Variants in IQGAP2 observed in about 807,000 individuals in gnomAD.
The protein encoded by IQGAP2 is IQ motif containing GTPase activating protein 2.
A neutral mutation model predicts 201.3 loss-of-function variants in IQGAP2; 173 were observed. The ratio of observed to expected loss-of-function variants is 0.86; its 90% CI spans 0.76 to 0.98. IQGAP2 has a LOEUF of 0.98. Ranked by LOEUF, IQGAP2 falls within the 50% of genes least tolerant of loss-of-function variation. The probability of loss-of-function intolerance (pLI) is 0.00; values close to 1 mark genes in which losing one functional copy is unlikely to be tolerated. For synonymous variants in IQGAP2, 675 were observed against 673.9 expected, an observed-to-expected ratio of 1.00 and a Z score of -0.03; for missense variants, 1,687 against 1,864.8, an observed-to-expected ratio of 0.90 and a Z score of 1.76.
At chr5:76,559,004 C>T (rs1264103509) in intron 2 of IQGAP2, among the ~76,000 whole-genome samples, 1 of 152,132 alleles carries the variant, frequency 6.6e-6, no homozygotes, top group Non-Finnish European at 1.5e-5. Context: ...GGGTTCACAC[C>T]ATTCTCCTGC....
At chr5:76,598,918 G>A (rs1747227185) in intron 10 of IQGAP2, among the ~76,000 whole-genome samples, 1 of 152,064 alleles carries the variant, frequency 6.6e-6, no homozygotes, top group Non-Finnish European at 1.5e-5. Context: ...TATTAAGTGG[G>A]AAAAATAAGA....
intron 2 of IQGAP2, among the ~76,000 whole-genome samples, chr5:76,493,150 G>A (rs1001571723): frequency 6.6e-6 from 1 of 151,960 alleles, no homozygotes; most frequent in Non-Finnish European, 1.5e-5. Flanking sequence ...TCTCAACATG[G>A]CAGCCAGGGT....
In IQGAP2 at chr5:76,422,855, C is replaced by T. The variant is rs181046248; in HGVS notation, c.46+19264C>T. Among the ~76,000 whole-genome samples, 8 of 152,322 alleles carry T rather than the reference C, an allele frequency of 5.3e-5. No individual in the cohort carries two copies. The East Asian group carries it at 9.6e-4, about 18-fold the overall frequency. ...TCTATATGCCAGGTGCTGTTTTAAG[C>T]ACTTTGTAGGAATCGCCCAATTTAA... On this transcript the variant is annotated intron_variant, in intron 1 of 35. Transcript: ENST00000274364.
chr5:76,657,521 G>A (rs1478014927), intron 20 of IQGAP2, among the ~76,000 whole-genome samples: 1 of 152,142 alleles, frequency 6.6e-6, no homozygotes, highest in Non-Finnish European at 1.5e-5. Flanking sequence ...GAACTAAGGT[G>A]GAAGTAAAAG....
At chr5:76,627,316 G>A (rs2455221) in intron 13 of IQGAP2, 94 bp from the exon 14 acceptor site, 483,348 of 866,994 alleles carry the variant, frequency 0.56, 135,937 homozygotes, top group Middle Eastern at 0.61. Context: ...GAATTTGTGG[G>A]AATTATGATT....
intron 1 of IQGAP2, among the ~76,000 whole-genome samples, chr5:76,460,721 A>G (rs1024296589): frequency 6.6e-6 from 1 of 152,066 alleles, no homozygotes; most frequent in African/African-American, 2.4e-5. Flanking sequence ...ATCTTTGTTG[A>G]CACCCGTTGG....
intron 32 of IQGAP2, among the ~76,000 whole-genome samples, chr5:76,697,444 G>A (rs999078467): frequency 6.6e-6 from 1 of 152,174 alleles, no homozygotes; most frequent in African/African-American, 2.4e-5. Context: ...AGGAGTTCAA[G>A]ACCAGCCTGA....
At chr5:76,419,271 T>G (rs1488668687) in intron 1 of IQGAP2, among the ~76,000 whole-genome samples, 2 of 152,118 alleles carry the variant, frequency 1.3e-5, no homozygotes, top group African/African-American at 4.8e-5. Flanking sequence ...ACTACAGGCA[T>G]GCACACCACA....
In IQGAP2 at chr5:76,643,695, A is replaced by G. The variant is rs114647215; in HGVS notation, c.2094+2592A>G. ...CTAGTATACTACTTTTTAGGAAAGG[A>G]CATAATAGTGGCAAACACCAAAACT... On this transcript the variant is annotated intron_variant, in intron 17 of 35. Coordinates refer to ENST00000274364, the MANE Select transcript of IQGAP2 (RefSeq NM_006633.5). Among the ~76,000 whole-genome samples the G allele has an allele frequency of 2.9e-3, 435 of 152,290 alleles. 1 individual carries two copies. The highest frequency in any genetic ancestry group is 0.01 in the African/African-American group (416 of 41,560).
At chr5:76,463,791 TGTA>T (rs1754621705) in intron 2 of IQGAP2, among the ~76,000 whole-genome samples, 1 of 152,134 alleles carries the variant, frequency 6.6e-6, no homozygotes, top group African/African-American at 2.4e-5. Context: ...GTATATTAGA[TGTA>T]GTATATATTT....
chr5:76,546,246 G>C (rs1353227521), intron 2 of IQGAP2, among the ~76,000 whole-genome samples: 2 of 152,138 alleles, frequency 1.3e-5, no homozygotes, highest in East Asian at 3.9e-4. Context: ...AACCAGCCTA[G>C]CCAACGTGGT....
At chr5:76,549,083 C>T (rs1743273463) in intron 2 of IQGAP2, among the ~76,000 whole-genome samples, 2 of 152,040 alleles carry the variant, frequency 1.3e-5, no homozygotes, top group South Asian at 2.1e-4. Flanking sequence ...ATCATATTGG[C>T]GGGGCATGGT....
chr5:76,562,065 C>G (rs1026530403), intron 2 of IQGAP2, among the ~76,000 whole-genome samples: 6 of 152,316 alleles, frequency 3.9e-5, no homozygotes, highest in Non-Finnish European at 1.5e-5. Flanking sequence ...TCTTTAATGT[C>G]AGCAGGACTA....
chr5:76,610,416 G>C (rs1373694879), intron 12 of IQGAP2, among the ~76,000 whole-genome samples: 1 of 151,576 alleles, frequency 6.6e-6, no homozygotes, highest in Non-Finnish European at 1.5e-5. Flanking sequence ...TGGCTGTAAT[G>C]AAAAAGACAA....
At chr5:76,558,876 G>A (rs1385697628) in intron 2 of IQGAP2, among the ~76,000 whole-genome samples, 1 of 152,084 alleles carries the variant, frequency 6.6e-6, no homozygotes, top group African/African-American at 2.4e-5. Flanking sequence ...GCCTCTCCCT[G>A]GCTGGTAATC....
At chr5:76,613,576 G>T (rs894982051) in intron 13 of IQGAP2, among the ~76,000 whole-genome samples, 1 of 152,156 alleles carries the variant, frequency 6.6e-6, no homozygotes. Context: ...ACGTGTTTGT[G>T]TAGCTATAGC....
At chr5:76,636,791 A>G (rs1751162157) in intron 15 of IQGAP2, among the ~76,000 whole-genome samples, 1 of 152,124 alleles carries the variant, frequency 6.6e-6, no homozygotes, top group African/African-American at 2.4e-5. Context: ...TATCATCCTC[A>G]TGAAAGATTT....
intron 1 of IQGAP2, among the ~76,000 whole-genome samples, chr5:76,450,719 A>T (rs541554619): frequency 3.6e-4 from 55 of 152,304 alleles, no homozygotes; most frequent in Non-Finnish European, 7.2e-4. Context: ...GTCTCCTTAC[A>T]AACCCTAAAT....
chr5:76,451,403 C>G (rs1055642407), intron 1 of IQGAP2, among the ~76,000 whole-genome samples: 1 of 152,066 alleles, frequency 6.6e-6, no homozygotes, highest in Non-Finnish European at 1.5e-5. Flanking sequence ...GGTTAGGTTC[C>G]CTTCCATTCA....
Sources: allele counts gnomAD v4.1 joint callset (sites outside exome capture counted in the v4.1 genomes callset), GRCh38; gene constraint gnomAD v4.1.1; transcripts MANE v1.5; gene names NCBI Gene and HGNC (gene_info 2026-07-23, HGNC 2026-07-21).